ANK2: variants seen among roughly 807,000 people sequenced by gnomAD.
ANK2 encodes ankyrin-2.
A neutral mutation model predicts 360.5 loss-of-function variants in ANK2; 83 were observed. The observed-to-expected ratio is 0.23, with a 90% confidence interval of 0.19 to 0.28. The LOEUF is 0.28. Ranked by LOEUF, ANK2 falls within the 10% of genes least tolerant of loss-of-function variation. The pLI, the probability that ANK2 is intolerant of heterozygous loss-of-function variation, is 1.00. For missense variants in ANK2, 4,201 were observed against 4,795.7 expected (o/e 0.88, Z 3.66); for synonymous variants, 1,740 against 1,759.5 (o/e 0.99, Z 0.28).
At chr4:112,945,761 A>T (rs1259088450) in intron 2 of ANK2, among the ~76,000 whole-genome samples, 1 of 152,184 alleles carries the variant, frequency 6.6e-6, no homozygotes, top group African/African-American at 2.4e-5. Context: ...TGGTTGTCTT[A>T]TAATGCCCAT....
Position 113,359,267 on chromosome 4 carries a change from T to C in ANK2, c.10649T>C (p.Ile3550Thr). Residue 3550 changes from isoleucine to threonine, a missense_variant, in exon 38 of 46, where the codon ATC (isoleucine) becomes ACC (threonine). Ile to Thr is a moderately conservative substitution (Grantham distance 89, BLOSUM62 -1). Around this residue, in one of 4 missense-constraint regions of ANK2, gnomAD observed 2,642 missense variants for 2,714.5 expected, o/e 0.97. Coordinates refer to ENST00000357077, the MANE Select transcript of ANK2 (RefSeq NM_001148.6). The part of the protein sequence containing the change: ...DESIETLIER[I>T]PDENGHDHAE... The stretch of plus-strand genomic sequence containing the variant: ...TCTATTGAGACTCTGATTGAACGCA[T>C]CCCTGATGAAAATGGCCATGACCAT... 1 of 1,613,932 alleles carries C rather than the reference T, an allele frequency of 6.2e-7. No individual in the cohort carries two copies. Among genetic ancestry groups the C allele is most frequent in the South Asian group, 1.1e-5 (1 of 91,062 alleles).
chr4:113,049,080 G>A (rs2065806798), upstream of ANK2, among the ~76,000 whole-genome samples: 1 of 152,136 alleles, frequency 6.6e-6, no homozygotes, highest in African/African-American at 2.4e-5. Flanking sequence ...AGAAGGCACA[G>A]GAGAAGAGAG....
chr4:112,854,433 A>T (rs1400549061), intron 1 of ANK2, among the ~76,000 whole-genome samples: 1 of 152,192 alleles, frequency 6.6e-6, no homozygotes, highest in Non-Finnish European at 1.5e-5. Context: ...AAAGCCTGAC[A>T]TGCTGTGGTG....
At chr4:113,077,277 T>C (rs2080465120) in intron 1 of ANK2, among the ~76,000 whole-genome samples, 1 of 152,158 alleles carries the variant, frequency 6.6e-6, no homozygotes, top group Admixed American at 6.5e-5. Flanking sequence ...ATTTTAATAA[T>C]GATAAAAACA....
At chr4:112,787,704 G>A in the ANK2 span, among the ~76,000 whole-genome samples, 9 of 152,168 alleles carry the variant, frequency 5.9e-5, no homozygotes, top group Admixed American at 5.9e-4. Context: ...CGTAAAGAAT[G>A]AGTAGCACCA....
rs371676045 is a variant in ANK2 at position 113,177,467 on chromosome 4, C to T, written c.186+2950C>T. Among the ~76,000 whole-genome samples, 21 of 152,268 alleles carry T rather than the reference C, an allele frequency of 1.4e-4. No individual in the cohort carries two copies. In the East Asian group the frequency reaches 4.1e-3, roughly 29 times the overall value. The stretch of plus-strand genomic sequence containing the variant: ...AATTTACAATATGCTAGAGAATAGA[C>T]AATGAAACCGTTAGTTCATTTAGGT... On this transcript the variant is annotated intron_variant, in intron 2 of 45. Transcript: ENST00000357077.
Position 113,356,392 on chromosome 4 carries a change from G to T in ANK2, c.7774G>T (p.Val2592Leu). 4.3e-6 allele frequency: 7 copies of T among 1,614,122 alleles called. No homozygotes were observed. Among genetic ancestry groups the T allele is most frequent in the Non-Finnish European group, 5.9e-6 (7 of 1,179,974 alleles). Residue 2592 changes from valine (V) to leucine (L), a missense_variant, in exon 38 of 46, where the codon GTA becomes TTA. Transcript: ENST00000357077. ...FTPEEEMFKM[V>L]TKIKMFDELE... is the part of the protein sequence containing the mutation. Reference sequence around the variant, plus strand: ...ACCTGAAGAGGAGATGTTTAAAATGGTAACCAAAATCAAAATGTTTGATGA... The same window carrying T: ...ACCTGAAGAGGAGATGTTTAAAATGTTAACCAAAATCAAAATGTTTGATGA...
At chr4:113,203,384 G>C (rs905469955) in intron 4 of ANK2, among the ~76,000 whole-genome samples, 5 of 151,350 alleles carry the variant, frequency 3.3e-5, no homozygotes, top group African/African-American at 1.2e-4. Context: ...TTAAATACTT[G>C]TAGCACTCTT....
intron 1 of ANK2, among the ~76,000 whole-genome samples, chr4:112,875,103 C>A (rs1431321310): frequency 6.6e-6 from 1 of 150,908 alleles, no homozygotes; most frequent in East Asian, 1.9e-4. Flanking sequence ...CTCACTGTAA[C>A]CTCCGCCTCC....
chr4:113,048,160 C>A (rs2065183409), upstream of ANK2, among the ~76,000 whole-genome samples: 3 of 139,354 alleles, frequency 2.2e-5, no homozygotes, highest in South Asian at 6.9e-4. Flanking sequence ...ACTTTACGTT[C>A]ATTGTCTGGG....
chr4:112,978,930 T>C (rs2042255512), intron 2 of ANK2, among the ~76,000 whole-genome samples: 1 of 152,232 alleles, frequency 6.6e-6, no homozygotes, highest in Non-Finnish European at 1.5e-5. Flanking sequence ...ACTCTGTAGA[T>C]CACTAACATG....
At chr4:112,906,901 C>T (rs1389649437) in intron 2 of ANK2, among the ~76,000 whole-genome samples, 1 of 152,138 alleles carries the variant, frequency 6.6e-6, no homozygotes, top group Non-Finnish European at 1.5e-5. Context: ...GAATATTACT[C>T]TCTAAAAATC....
chr4:113,024,791 A>G (rs951196944), intron 2 of ANK2, among the ~76,000 whole-genome samples: 1 of 152,182 alleles, frequency 6.6e-6, no homozygotes, highest in Non-Finnish European at 1.5e-5. Context: ...TATTGGTTCT[A>G]TGCGTTTGTT....
chr4:112,725,430 G>A, the ANK2 span, among the ~76,000 whole-genome samples: 29 of 128,246 alleles, frequency 2.3e-4, no homozygotes, highest in Non-Finnish European at 1.3e-4. Context: ...GCGCCATCTC[G>A]GCTCACTGCA....
rs989475500 is a variant in ANK2, at chr4:113,016,357, T to C, written c.21+111843T>C. 3.9e-5 allele frequency among the ~76,000 whole-genome samples: 6 copies of C among 152,172 alleles called. 1 individual carries two copies. The highest frequency in any genetic ancestry group is 3.3e-4 in the Admixed American group (5 of 15,284). ...GGAGGCACAAACTCTTATAGGTTCT[T>C]CACCCGCCAAGTTTCTGCTTGGCAG... On this transcript the variant is annotated intron_variant, in intron 2 of 30. Coordinates refer to the ANK2 transcript ENST00000503271.
At chr4:112,825,117 C>G (rs1454163122) in intron 1 of ANK2, among the ~76,000 whole-genome samples, 1 of 152,116 alleles carries the variant, frequency 6.6e-6, no homozygotes, top group Non-Finnish European at 1.5e-5. Flanking sequence ...CATATTCTCA[C>G]TCATAGGTGG....
chr4:113,060,507 C>T (rs2072683156), intron 1 of ANK2, among the ~76,000 whole-genome samples: 1 of 151,970 alleles, frequency 6.6e-6, no homozygotes, highest in Non-Finnish European at 1.5e-5. Context: ...TATCCCAGGT[C>T]AAACTGACCA....
At chr4:113,095,572 T>C (rs2090648274) in intron 1 of ANK2, among the ~76,000 whole-genome samples, 1 of 152,192 alleles carries the variant, frequency 6.6e-6, no homozygotes, top group Admixed American at 6.5e-5. Flanking sequence ...CTTTCTATTA[T>C]TCTATTGTTA....
At chr4:113,014,838 G>T (rs1040976922) in intron 2 of ANK2, among the ~76,000 whole-genome samples, 1 of 137,722 alleles carries the variant, frequency 7.3e-6, no homozygotes, top group Non-Finnish European at 1.6e-5. Context: ...TATAGATGTG[G>T]ATCATAGAGC....
Sources: allele counts gnomAD v4.1 joint callset (sites outside exome capture counted in the v4.1 genomes callset), GRCh38; gene constraint gnomAD v4.1.1; regional missense constraint gnomAD v4.1.1; transcripts MANE v1.5; gene names NCBI Gene and HGNC (gene_info 2026-07-23, HGNC 2026-07-21).